Variants in RBMS3 observed in about 807,000 individuals in gnomAD.
The protein encoded by RBMS3 is RNA-binding motif, single-stranded-interacting protein 3.
A neutral mutation model predicts 66.8 loss-of-function variants in RBMS3; 27 were observed. The ratio of observed to expected loss-of-function variants is 0.40; its 90% CI spans 0.30 to 0.56. RBMS3 has a LOEUF of 0.56. RBMS3 is among the 20% of genes least tolerant of loss of function. The pLI, the probability that RBMS3 is intolerant of heterozygous loss-of-function variation, is 0.40. For missense variants in RBMS3, 513 were observed against 549.5 expected, an observed-to-expected ratio of 0.93 and a Z score of 0.66; for synonymous variants, 188 against 183.0, an observed-to-expected ratio of 1.03 and a Z score of -0.22.
chr3:29,760,162 C>T (rs1482531068), intron 5 of RBMS3, among the ~76,000 whole-genome samples: 2 of 151,772 alleles, frequency 1.3e-5, no homozygotes, highest in African/African-American at 4.8e-5. Flanking sequence ...TCAAACAGAA[C>T]AAAAATATTT....
At chr3:29,934,458 T>C (rs551739531) in intron 10 of RBMS3, among the ~76,000 whole-genome samples, 6 of 152,186 alleles carry the variant, frequency 3.9e-5, no homozygotes, top group African/African-American at 1.4e-4. Flanking sequence ...CCAGTAAGTA[T>C]TTTTTAAAAA....
chr3:29,548,603 A>G (rs2046064694), intron 3 of RBMS3, among the ~76,000 whole-genome samples: 1 of 152,118 alleles, frequency 6.6e-6, no homozygotes, highest in South Asian at 2.1e-4. Flanking sequence ...ACTTTATAAG[A>G]AAAAGGAAAA....
chr3:29,787,447 C>T (rs1164787403), intron 6 of RBMS3, among the ~76,000 whole-genome samples: 1 of 151,638 alleles, frequency 6.6e-6, no homozygotes, highest in Non-Finnish European at 1.5e-5. Context: ...GCCCACCAAT[C>T]AATGAGTAGA....
chr3:29,537,455 T>G (rs2045603580), intron 3 of RBMS3, among the ~76,000 whole-genome samples: 1 of 152,194 alleles, frequency 6.6e-6, no homozygotes, highest in Non-Finnish European at 1.5e-5. Flanking sequence ...TACCTTAAAC[T>G]AAATTTCTTA....
chr3:29,399,320 T>C (rs2039699524), intron 1 of RBMS3, among the ~76,000 whole-genome samples: 1 of 152,164 alleles, frequency 6.6e-6, no homozygotes, highest in Non-Finnish European at 1.5e-5. Context: ...AGTTCCTGAA[T>C]TTCAAGGTGG....
At chr3:29,916,228 A>C (rs1352687452) in intron 10 of RBMS3, among the ~76,000 whole-genome samples, 2 of 151,964 alleles carry the variant, frequency 1.3e-5, no homozygotes, top group Non-Finnish European at 2.9e-5. Flanking sequence ...TCTCTGATAA[A>C]TCTTTCTCTC....
intron 4 of RBMS3, among the ~76,000 whole-genome samples, chr3:29,644,020 G>A (rs2049825775): frequency 6.6e-6 from 1 of 152,300 alleles, no homozygotes; most frequent in Admixed American, 6.5e-5. Context: ...TTCAGTGGCA[G>A]TATGCCGCTT....
rs565193776 is a variant in RBMS3, at chr3:29,773,544, C to G, written c.637+10555C>G. On this transcript the variant is annotated intron_variant, in intron 6 of 14. Transcript: ENST00000383767. ...TCAAACAGTTGCACTAGTTGACCCG[C>G]TGAGATGCCCTAAAGAAAAAGAACT... 1.3e-5 allele frequency among the ~76,000 whole-genome samples: 2 copies of G among 152,146 alleles called. 1 individual carries two copies. Among genetic ancestry groups the G allele is most frequent in the South Asian group, 4.1e-4 (2 of 4,826 alleles).
chr3:29,858,243 G>A (rs1322527772), intron 6 of RBMS3, among the ~76,000 whole-genome samples: 2 of 152,000 alleles, frequency 1.3e-5, no homozygotes, highest in African/African-American at 2.4e-5. Flanking sequence ...TATCTGCACT[G>A]TAAGATTATA....
At chr3:29,294,672 A>G (rs949362383) in intron 1 of RBMS3, among the ~76,000 whole-genome samples, 2 of 151,732 alleles carry the variant, frequency 1.3e-5, no homozygotes, top group Non-Finnish European at 2.9e-5. Context: ...CAGCCCTTAT[A>G]TGTGGCTTCC....
chr3:29,425,217 A>AAAC (rs1553601571), intron 1 of RBMS3, among the ~76,000 whole-genome samples: 20 of 47,396 alleles, frequency 4.2e-4, no homozygotes, highest in African/African-American at 1.8e-3. Context: ...CAAAAAAAAC[A>AAAC]AAAAAAAAAA....
intron 3 of RBMS3, among the ~76,000 whole-genome samples, chr3:29,563,104 A>G (rs947535102): frequency 2.6e-5 from 4 of 152,306 alleles, no homozygotes; most frequent in African/African-American, 9.6e-5. Flanking sequence ...CTATGAATTG[A>G]TAGATAAACC....
At chr3:29,480,987 G>A (rs1444604038) in intron 2 of RBMS3, among the ~76,000 whole-genome samples, 1 of 152,198 alleles carries the variant, frequency 6.6e-6, no homozygotes, top group East Asian at 1.9e-4. Context: ...AGTGTTGGCA[G>A]AGCCTGGACT....
Position 29,884,471 on chromosome 3 carries a change from C to CTCTCTCT in RBMS3, c.791+263_791+264insTCTCTCT, listed in dbSNP as rs1553692504. 6.0e-3 allele frequency among the ~76,000 whole-genome samples: 235 copies of CTCTCTCT among 38,956 alleles called. 30 individuals carry two copies. Among genetic ancestry groups the CTCTCTCT allele is most frequent in the Admixed American group, 0.021 (68 of 3,198 alleles). The allele number at this position is 38,956 out of a possible 152,430, so 25.6% of individuals were successfully genotyped here. A position where few individuals can be genotyped will look rare whatever the true frequency, so the allele number is the denominator to read the frequency against. Reference sequence around the variant, plus strand: ...CTCTCTCTCTCTCTCTCTCTCTCTCCCCCCCCGCTCCCTCCCTCCCTCCCT... The same window carrying CTCTCTCT: ...CTCTCTCTCTCTCTCTCTCTCTCTCCTCTCTCTCCCCCCGCTCCCTCCCTCCCTCCCT... On this transcript the variant is annotated intron_variant, in intron 8 of 14. Transcript: ENST00000383767.
At chr3:30,001,570 A>T in intron 14 of RBMS3, among the ~76,000 whole-genome samples, 1 of 151,982 alleles carries the variant, frequency 6.6e-6, no homozygotes, top group Non-Finnish European at 1.5e-5. Flanking sequence ...GGCTAACTGA[A>T]CTGCCATGAA....
intron 1 of RBMS3, among the ~76,000 whole-genome samples, chr3:29,364,200 A>G (rs1043118178): frequency 3.9e-5 from 6 of 152,224 alleles, no homozygotes; most frequent in African/African-American, 1.2e-4. Flanking sequence ...ATCGAAAACA[A>G]TTCTGCAAAA....
At chr3:29,922,661 T>G (rs892550917) in intron 10 of RBMS3, among the ~76,000 whole-genome samples, 6 of 152,206 alleles carry the variant, frequency 3.9e-5, no homozygotes, top group African/African-American at 1.4e-4. Flanking sequence ...ATAATTTGAG[T>G]ACCCCCTCAG....
chr3:29,596,373 G>A (rs563540754), intron 4 of RBMS3, among the ~76,000 whole-genome samples: 1 of 152,300 alleles, frequency 6.6e-6, no homozygotes, highest in South Asian at 2.1e-4. Context: ...GCTCTGAGAT[G>A]CTCTTCAAGT....
At chr3:29,701,199 C>G (rs1026559113) in intron 4 of RBMS3, among the ~76,000 whole-genome samples, 1 of 151,902 alleles carries the variant, frequency 6.6e-6, no homozygotes, top group Non-Finnish European at 1.5e-5. Flanking sequence ...ATTGCTTGAA[C>G]CTGGGAGGCA....
Sources: gnomAD v4.1 joint callset for allele counts (sites outside exome capture counted in the v4.1 genomes callset) on GRCh38, gnomAD v4.1.1 for gene constraint, MANE v1.5 for transcripts, NCBI Gene and HGNC (gene_info 2026-07-23, HGNC 2026-07-21) for gene names.